Variants in ME1 observed in about 807,000 individuals in gnomAD.
The protein encoded by ME1 is malic enzyme 1, also known as NADP-dependent malic enzyme.
In ME1, 74 loss-of-function variants were observed where a neutral mutation model predicts 66.4. The observed-to-expected ratio is 1.11, with a 90% CI of 0.92 to 1.35. The LOEUF (loss-of-function observed/expected upper bound fraction) is 1.35, where lower values mean the gene tolerates loss of function less well. Ranked by LOEUF, ME1 falls within the 40% of genes most tolerant of loss-of-function variation. The probability of loss-of-function intolerance (pLI) is 0.00; values close to 1 mark genes in which losing one functional copy is unlikely to be tolerated. For synonymous variants in ME1, 251 were observed against 235.6 expected (o/e 1.07, Z -0.60); for missense variants, 750 against 694.1 (o/e 1.08, Z -0.90).
At chr6:83,400,761 C>A (rs1769823673) in intron 2 of ME1, among the ~76,000 whole-genome samples, 1 of 152,160 alleles carries the variant, frequency 6.6e-6, no homozygotes, top group African/African-American at 2.4e-5. Context: ...CTACCCTTTC[C>A]ATTCATAGTA....
intron 2 of ME1, among the ~76,000 whole-genome samples, chr6:83,404,806 C>T (rs1181056426): frequency 6.6e-6 from 1 of 152,162 alleles, no homozygotes; most frequent in Non-Finnish European, 1.5e-5. Context: ...TATCAAAGAT[C>T]AGATGGTTGT....
intron 1 of ME1, among the ~76,000 whole-genome samples, chr6:83,429,575 A>C (rs577862664): frequency 6.6e-6 from 1 of 152,326 alleles, no homozygotes; most frequent in African/African-American, 2.4e-5. Context: ...AAAACAATCA[A>C]ACTAGCAATT....
intron 6 of ME1, among the ~76,000 whole-genome samples, chr6:83,311,325 G>C (rs551722525): frequency 1.6e-4 from 24 of 152,302 alleles, no homozygotes; most frequent in Non-Finnish European, 2.8e-4. Context: ...TGGAACCTAG[G>C]AAAAGGGAGA....
chr6:83,341,732 T>C lies in ME1; in HGVS notation c.600+4441A>G, dbSNP rs74296830. ...CGGGGAATCTAAGGCCGTTTTGCACTGACTTCCTGGAACAAAATTGAAAGG... is the reference window on the plus strand; with the variant it reads ...CGGGGAATCTAAGGCCGTTTTGCACCGACTTCCTGGAACAAAATTGAAAGG... On this transcript the variant is annotated intron_variant, in intron 5 of 13. Transcript: ENST00000369705. Among the ~76,000 whole-genome samples, 3 of 152,234 alleles carry C rather than the reference T, an allele frequency of 2.0e-5. No homozygotes were observed. The East Asian group carries it at 5.8e-4, about 29-fold the overall frequency.
At chr6:83,235,680 G>A (rs1049446965) in intron 9 of ME1, among the ~76,000 whole-genome samples, 5 of 151,884 alleles carry the variant, frequency 3.3e-5, no homozygotes, top group Non-Finnish European at 7.4e-5. Context: ...CACCCTGTTA[G>A]CCAGGATGGT....
chr6:83,246,097 C>G (rs1316383365), intron 7 of ME1, among the ~76,000 whole-genome samples: 1 of 152,024 alleles, frequency 6.6e-6, no homozygotes, highest in Non-Finnish European at 1.5e-5. Flanking sequence ...TGAAGAATGT[C>G]ATTGATATGA....
At chr6:83,228,616 G>A (rs1263854994) in intron 10 of ME1, among the ~76,000 whole-genome samples, 1 of 152,188 alleles carries the variant, frequency 6.6e-6, no homozygotes, top group Admixed American at 6.5e-5. Flanking sequence ...TGAGTTAGAG[G>A]AGGGGGCCAT....
At chr6:83,228,628 C>T (rs996529509) in intron 10 of ME1, among the ~76,000 whole-genome samples, 198 bp downstream of exon 10, 8 of 152,026 alleles carry the variant, frequency 5.3e-5, no homozygotes, top group Admixed American at 2.0e-4. Context: ...GGGGGCCATA[C>T]GCTTCATCTC....
chr6:83,228,765 T>TAA lies in ME1; in HGVS notation c.1132+59_1132+60dup, dbSNP rs112586895. ...TAAATTATACCTCAAAAATTGGTAGTAAAAAAAACAATCAGGTCAAAATAA... is the reference window on the plus strand; with the variant it reads ...TAAATTATACCTCAAAAATTGGTAGTAAAAAAAAAACAATCAGGTCAAAATAA... On this transcript the variant is annotated intron_variant, in intron 10 of 13. Coordinates refer to ENST00000369705, the MANE Select transcript of ME1 (RefSeq NM_002395.6). 13,084 of 1,122,246 alleles carry TAA rather than the reference T, an allele frequency of 0.012. 981 individuals carry two copies. The African/African-American group carries it at 0.18, about 15-fold the overall frequency. 69.5% of individuals were successfully genotyped at this position (1,122,246 alleles called of 1,614,324 possible). A position where few individuals can be genotyped will look rare whatever the true frequency, so the allele number is the denominator to read the frequency against.
chr6:83,348,752 C>G (rs560070436), intron 4 of ME1, among the ~76,000 whole-genome samples: 1 of 151,308 alleles, frequency 6.6e-6, no homozygotes, highest in South Asian at 2.1e-4. Flanking sequence ...CTTTGGGAGG[C>G]CGAGATGGGC....
intron 7 of ME1, among the ~76,000 whole-genome samples, chr6:83,250,011 T>C (rs9444056): frequency 0.1 from 15,453 of 152,146 alleles, 1,140 homozygotes; most frequent in African/African-American, 0.19. Context: ...CAGCTGTTCA[T>C]TGTGGCCTTG....
At chr6:83,271,616 G>C (rs1767083403) in intron 6 of ME1, among the ~76,000 whole-genome samples, 1 of 151,806 alleles carries the variant, frequency 6.6e-6, no homozygotes, top group South Asian at 2.1e-4. Context: ...TGGGTTCTGT[G>C]GTATCCAGAA....
chr6:83,414,109 T>C (rs1247299079), intron 1 of ME1, among the ~76,000 whole-genome samples: 1 of 110,386 alleles, frequency 9.1e-6, no homozygotes, highest in African/African-American at 4.2e-5. Flanking sequence ...AGACCCCATC[T>C]TGAAAAAAAA....
At chr6:83,375,939 C>G (rs1200020214) in intron 3 of ME1, among the ~76,000 whole-genome samples, 1 of 151,932 alleles carries the variant, frequency 6.6e-6, no homozygotes, top group Non-Finnish European at 1.5e-5. Context: ...AACACCAGAA[C>G]TTAATATATG....
At chr6:83,231,675 T>G (rs1208012200) in intron 9 of ME1, among the ~76,000 whole-genome samples, 1 of 152,240 alleles carries the variant, frequency 6.6e-6, no homozygotes, top group Non-Finnish European at 1.5e-5. Flanking sequence ...GAATACATAT[T>G]CGTTATGCCA....
intron 6 of ME1, among the ~76,000 whole-genome samples, chr6:83,295,713 A>C (rs1030352873): frequency 6.6e-6 from 1 of 152,180 alleles, no homozygotes. Flanking sequence ...AAAACTATTT[A>C]AAAGTTTAAC....
chr6:83,271,006 T>C (rs989972750), intron 6 of ME1, among the ~76,000 whole-genome samples: 9 of 148,888 alleles, frequency 6.0e-5, no homozygotes, highest in African/African-American at 2.2e-4. Flanking sequence ...AGTAAAGTTG[T>C]GGCTAGGTGA....
chr6:83,219,475 C>T (rs955594249), intron 12 of ME1, among the ~76,000 whole-genome samples: 2 of 152,148 alleles, frequency 1.3e-5, no homozygotes, highest in Admixed American at 6.5e-5. Flanking sequence ...ATCAGTAATA[C>T]AGGACTAATA....
At chr6:83,430,706 G>A (rs1456127375) in intron 1 of ME1, among the ~76,000 whole-genome samples, 171 bp downstream of exon 1, 1 of 152,242 alleles carries the variant, frequency 6.6e-6, no homozygotes, top group Non-Finnish European at 1.5e-5. Context: ...GACCCGATTA[G>A]GCGTCCTTCT....
Sources: allele counts gnomAD v4.1 joint callset (sites outside exome capture counted in the v4.1 genomes callset), GRCh38; gene constraint gnomAD v4.1.1; transcripts MANE v1.5; gene names NCBI Gene and HGNC (gene_info 2026-07-23, HGNC 2026-07-21).